The following MRS2 variants were observed in gnomAD, a reference collection of about 807,000 sequenced individuals.
The protein encoded by MRS2 is magnesium transporter MRS2.
MRS2 carries 40 observed loss-of-function variants against 52.6 expected under a neutral mutation model. The observed-to-expected ratio is 0.76, with a 90% confidence interval of 0.59 to 0.99. MRS2 has a LOEUF of 0.99. Ranked by LOEUF, MRS2 falls within the 50% of genes least tolerant of loss-of-function variation. The pLI, the probability that MRS2 is intolerant of heterozygous loss-of-function variation, is 0.00. For missense variants in MRS2, 472 were observed against 532.7 expected, an observed-to-expected ratio of 0.89 and a Z score of 1.12; for synonymous variants, 193 against 195.9, an observed-to-expected ratio of 0.98 and a Z score of 0.13.
intron 9 of MRS2, 63 bp downstream of exon 9, chr6:24,418,641 G>A: frequency 7.8e-7 from 1 of 1,277,710 alleles, no homozygotes; most frequent in South Asian, 1.2e-5. Flanking sequence ...GCTCATGTCA[G>A]TAATCCTAGC....
intron 6 of MRS2, 48 bp from the exon 7 acceptor site, chr6:24,416,349 C>G (rs1398324218): frequency 2.6e-6 from 2 of 780,468 alleles, no homozygotes; most frequent in East Asian, 5.0e-5. Context: ...ATGAAATGTT[C>G]TTATAAGTTT....
Position 24,403,129 on chromosome 6 carries a change from A to G in MRS2, c.83A>G (p.Asp28Gly). The change falls in exon 1 of 11, where the codon GAC (aspartate) becomes GGC (glycine). Residue 28 changes from aspartate to glycine, a missense_variant. By Grantham distance (94) the Asp-to-Gly change is moderately conservative. Transcript: ENST00000378386. ...PRRTLCALAL[D>G]VTSVGPPVAA... is the part of the protein sequence containing the mutation. ...CGGACGCTGTGTGCCCTGGCCTTGG[A>G]CGTGACCTCTGTGGGTCCTCCCGTT... 6.2e-7 allele frequency: 1 copy of G among 1,611,910 alleles called. No individual in the cohort carries two copies. The highest frequency in any genetic ancestry group is 1.1e-5 in the South Asian group (1 of 91,076).
intron 6 of MRS2, 114 bp from the exon 7 acceptor site, chr6:24,416,270 TAAATAAGTCATTG>T: frequency 4.2e-6 from 2 of 476,318 alleles, no homozygotes. Flanking sequence ...TTTTTTTTTT[TAAATAAGTCATTG>T]TTTAGCATGA....
Position 24,410,316 on chromosome 6 carries a change from A to G in MRS2, c.414+743A>G, listed in dbSNP as rs180701563. On this transcript the variant is annotated intron_variant, in intron 4 of 10. Transcript: ENST00000378386. Reference sequence around the variant, plus strand: ...TTTAATGGAAAACTTTCTGAAATATATTGTATTTTCCCTTACCTATTCAGA... The same window carrying G: ...TTTAATGGAAAACTTTCTGAAATATGTTGTATTTTCCCTTACCTATTCAGA... Among the ~76,000 whole-genome samples the G allele has an allele frequency of 8.7e-4, 132 of 152,242 alleles. 5 individuals carry two copies. Among genetic ancestry groups the G allele is most frequent in the Admixed American group, 8.0e-3 (122 of 15,292 alleles).
chr6:24,420,415 T>G (rs1400617162), intron 9 of MRS2, among the ~76,000 whole-genome samples: 1 of 152,190 alleles, frequency 6.6e-6, no homozygotes, highest in Non-Finnish European at 1.5e-5. Context: ...GCAAAGACAG[T>G]ATTAGTCATT....
intron 9 of MRS2, among the ~76,000 whole-genome samples, chr6:24,421,205 A>G (rs184464573): frequency 2.0e-5 from 3 of 152,244 alleles, no homozygotes; most frequent in East Asian, 1.9e-4. Flanking sequence ...TTAATTGCCA[A>G]CTTTTCAAAA....
At position 24,412,369 on chromosome 6, in the gene MRS2, G is replaced by C. The variant is rs777569528; in HGVS notation, c.562G>C (p.Ala188Pro). 6.3e-7 allele frequency: 1 copy of C among 1,578,060 alleles called. No homozygotes were observed. The highest frequency in any genetic ancestry group is 8.6e-7 in the Non-Finnish European group (1 of 1,165,210). Residue 188 changes from alanine to proline, a missense_variant, in exon 5 of 11, where the codon GCT becomes CCT. Transcript: ENST00000378386. Reference sequence around the variant, plus strand: ...ATACCCTTTACCTTTTGAGTTTAGAGCTATAGAAGCACTCCTGCAATATTG... The same window carrying C: ...ATACCCTTTACCTTTTGAGTTTAGACCTATAGAAGCACTCCTGCAATATTG... Reference protein sequence around the residue: ...VTYPLPFEFRAIEALLQYWIN... With the variant: ...VTYPLPFEFRPIEALLQYWIN...
At chr6:24,416,198 CAGGCGT>C (rs1758076799) in intron 6 of MRS2, among the ~76,000 whole-genome samples, 193 bp from the exon 7 acceptor site, 1 of 151,984 alleles carries the variant, frequency 6.6e-6, no homozygotes, top group South Asian at 2.1e-4. Flanking sequence ...GCTAGGATTA[CAGGCGT>C]GACACCATGC....
At chr6:24,419,540 A>G (rs9467139) in intron 9 of MRS2, among the ~76,000 whole-genome samples, 9,223 of 152,242 alleles carry the variant, frequency 0.061, 631 homozygotes, top group African/African-American at 0.17. Context: ...AAATAGATAT[A>G]TTATCCCTAC....
In MRS2 at chr6:24,423,066, T is replaced by C. The variant is rs374758719; in HGVS notation, c.1221+16T>C. ...GCCTCCTATGGTATGAAGGATATGG[T>C]TCACGGCGGTATTGTGGAAGGGTTA... On this transcript the variant is annotated intron_variant, in intron 10 of 10. Transcript: ENST00000378386. 4 of 1,593,330 alleles carry C rather than the reference T, an allele frequency of 2.5e-6. No individual in the cohort carries two copies. The African/African-American group carries it at 5.4e-5, about 21-fold the overall frequency.
rs1366446151 is a variant in MRS2, at chr6:24,409,533, G to A, written c.374G>A (p.Ser125Asn). Reference sequence around the variant, plus strand: ...GATTTGAGATTTCAGCATGTAATGAGTATCACAGTCAGAAACAATAGGATT... The same window carrying A: ...GATTTGAGATTTCAGCATGTAATGAATATCACAGTCAGAAACAATAGGATT... The part of the protein sequence containing the change: ...ARDLRFQHVM[S>N]ITVRNNRIIM... The change falls in exon 4 of 11, where the codon AGT (serine) becomes AAT (asparagine). Residue 125 changes from serine (S) to asparagine (N), a missense_variant. By Grantham distance (46) the Ser-to-Asn change is conservative. Transcript: ENST00000378386. 6.2e-7 allele frequency: 1 copy of A among 1,609,142 alleles called. No individual in the cohort carries two copies.
In MRS2 at chr6:24,403,186, G is replaced by A; in HGVS notation, c.140G>A (p.Gly47Glu). The A allele has an allele frequency of 6.2e-7, 1 of 1,605,852 alleles. No homozygotes were observed. The highest frequency in any genetic ancestry group is 8.5e-7 in the Non-Finnish European group (1 of 1,179,740). Residue 47 changes from glycine (G) to glutamate (E), a missense_variant, in exon 1 of 11, where the codon GGA becomes GAA. Coordinates refer to ENST00000378386, the MANE Select transcript of MRS2 (RefSeq NM_020662.4). ...AACGRRANLIGRSRAAQLCGP... is the reference protein window; with the variant it reads ...AACGRRANLIERSRAAQLCGP... ...TGCGGCCGCCGAGCCAACCTGATTGGAAGGAGCCGAGCGGCGCAGCTTTGC... is the reference window on the plus strand; with the variant it reads ...TGCGGCCGCCGAGCCAACCTGATTGAAAGGAGCCGAGCGGCGCAGCTTTGC...
Position 24,425,093 on chromosome 6 carries a change from G to C in MRS2, c.*1399G>C, listed in dbSNP as rs1762185698. 1 of 152,220 alleles carries C rather than the reference G, an allele frequency of 6.6e-6. No homozygotes were observed. The highest frequency in any genetic ancestry group is 2.4e-5 in the African/African-American group (1 of 41,438). 9.4% of individuals were successfully genotyped at this position (152,220 alleles called of 1,614,324 possible). ...CGCGTCATGGTGTTCTTGTCGGAATGTGAACATACAGCACCCTCTAGCATT... is the reference window on the plus strand; with the variant it reads ...CGCGTCATGGTGTTCTTGTCGGAATCTGAACATACAGCACCCTCTAGCATT... On this transcript the variant is annotated 3_prime_UTR_variant, in exon 11 of 11. Coordinates refer to ENST00000378386, the MANE Select transcript of MRS2 (RefSeq NM_020662.4).
intron 9 of MRS2, among the ~76,000 whole-genome samples, chr6:24,420,569 A>G (rs536001682): frequency 5.3e-5 from 8 of 152,200 alleles, no homozygotes; most frequent in Non-Finnish European, 1.0e-4. Flanking sequence ...ATTGTAGTGG[A>G]GGAGAGAGTT....
chr6:24,414,987 T>C, intron 5 of MRS2, 46 bp from the exon 6 acceptor site: 4 of 1,516,568 alleles, frequency 2.6e-6, no homozygotes, highest in South Asian at 1.3e-5. Flanking sequence ...CTGAATATTC[T>C]AAAAAGATTG....
Position 24,412,338 on chromosome 6 carries a change from C to T in MRS2, c.531C>T (p.Leu177=), listed in dbSNP as rs148187811. 1.6e-5 allele frequency: 26 copies of T among 1,596,840 alleles called. No homozygotes were observed. The African/African-American group carries it at 2.0e-4, about 12-fold the overall frequency. Reference sequence around the variant, plus strand: ...CACAGTTGTCTGGAGAGGGTCAACTCGTTACATACCCTTTACCTTTTGAGT... The same window carrying T: ...CACAGTTGTCTGGAGAGGGTCAACTTGTTACATACCCTTTACCTTTTGAGT... ...LPSQLSGEGQ[L]VTYPLPFEFR... Residue 177 remains leucine (L), a synonymous_variant, in exon 5 of 11, where the codon CTC becomes CTT. Transcript: ENST00000378386.
At chr6:24,421,667 A>G (rs2127297759) in intron 9 of MRS2, among the ~76,000 whole-genome samples, 1 of 146,706 alleles carries the variant, frequency 6.8e-6, no homozygotes. Flanking sequence ...AACAAATGTG[A>G]TGTTCCTTTA....
At chr6:24,415,743 T>TA (rs1761826965) in intron 6 of MRS2, among the ~76,000 whole-genome samples, 1 of 152,226 alleles carries the variant, frequency 6.6e-6, no homozygotes, top group Non-Finnish European at 1.5e-5. Flanking sequence ...CCAAAAATCT[T>TA]AAATTCACAA....
rs528779643 is a variant in MRS2, at chr6:24,406,179, A to G, written c.264+938A>G. 7.9e-5 allele frequency among the ~76,000 whole-genome samples: 12 copies of G among 151,590 alleles called. No individual in the cohort carries two copies. The East Asian group carries it at 2.3e-3, about 29-fold the overall frequency. ...TCCAATCTCACTCTGCCTCTTATTGACTAGGTGGCCTTGGACAAGTTACAA... is the reference window on the plus strand; with the variant it reads ...TCCAATCTCACTCTGCCTCTTATTGGCTAGGTGGCCTTGGACAAGTTACAA... On this transcript the variant is annotated intron_variant, in intron 2 of 10. Coordinates refer to ENST00000378386, the MANE Select transcript of MRS2 (RefSeq NM_020662.4).
Sources: allele counts gnomAD v4.1 joint callset (sites outside exome capture counted in the v4.1 genomes callset), GRCh38; gene constraint gnomAD v4.1.1; transcripts MANE v1.5; gene names NCBI Gene and HGNC (gene_info 2026-07-23, HGNC 2026-07-21).